DOCK3: variants seen among roughly 807,000 people sequenced by gnomAD.
DOCK3 encodes dedicator of cytokinesis 3.
Under a neutral mutation model 265.6 loss-of-function variants are expected in DOCK3, and 60 were observed. The observed-to-expected ratio is 0.23, with a 90% CI of 0.18 to 0.28. The LOEUF is 0.28. DOCK3 is among the 10% of genes least tolerant of loss of function. The pLI is 1.00. For missense variants in DOCK3, 1,981 were observed against 2,594.3 expected (o/e 0.76, Z 5.14); for synonymous variants, 881 against 938.0 (o/e 0.94, Z 1.11).
At chr3:50,769,531 T>A (rs2041139775) in intron 1 of DOCK3, among the ~76,000 whole-genome samples, 1 of 151,994 alleles carries the variant, frequency 6.6e-6, no homozygotes, top group Non-Finnish European at 1.5e-5. Context: ...GAAGTCTTGG[T>A]CGAGCATGGT....
chr3:51,350,333 C>G lies in DOCK3; in HGVS notation c.4048C>G (p.Leu1350Val). ...YYDNIMEQQR[L>V]EPEFFRVGFY... ...TGACAACATTATGGAGCAGCAACGCCTGGAGCCTGAGTTCTTTCGGGTCGG... is the reference window on the plus strand; with the variant it reads ...TGACAACATTATGGAGCAGCAACGCGTGGAGCCTGAGTTCTTTCGGGTCGG... The change falls in exon 40 of 53, where the codon CTG (leucine) becomes GTG (valine). Residue 1350 changes from leucine (L) to valine (V), a missense_variant. Physicochemically the swap from Leu to Val is conservative, Grantham distance 32. This residue lies in a region of DOCK3 where 1,357 missense variants were observed against 1,866.8 expected (regional missense o/e 0.73). Coordinates refer to ENST00000266037, the MANE Select transcript of DOCK3 (RefSeq NM_004947.5). 6.2e-7 allele frequency: 1 copy of G among 1,611,754 alleles called. No homozygotes were observed. The highest frequency in any genetic ancestry group is 8.5e-7 in the Non-Finnish European group (1 of 1,179,352).
intron 25 of DOCK3, among the ~76,000 whole-genome samples, chr3:51,275,788 T>C (rs2080786770): frequency 6.6e-6 from 1 of 152,136 alleles, no homozygotes; most frequent in South Asian, 2.1e-4. Context: ...ATTTTTTCTT[T>C]TTAAAAGAAA....
chr3:50,804,184 G>A (rs1227930739), intron 2 of DOCK3, among the ~76,000 whole-genome samples: 6 of 151,046 alleles, frequency 4.0e-5, no homozygotes, highest in Non-Finnish European at 5.9e-5. Context: ...GATGATGGGC[G>A]GCCGGGCAGA....
chr3:51,251,566 A>G (rs1244446962), intron 22 of DOCK3, among the ~76,000 whole-genome samples: 1 of 152,160 alleles, frequency 6.6e-6, no homozygotes, highest in African/African-American at 2.4e-5. Flanking sequence ...CGCCATTCCA[A>G]CTAGTGTGAG....
intron 1 of DOCK3, among the ~76,000 whole-genome samples, chr3:50,752,526 AAAAC>A (rs150595934): frequency 0.85 from 126,041 of 149,132 alleles, 53,737 homozygotes; most frequent in East Asian, 0.94. Context: ...AAAAAAAACA[AAAAC>A]AACTGGGAGG....
chr3:50,745,622 C>T (rs2108268585), intron 1 of DOCK3, among the ~76,000 whole-genome samples: 1 of 152,290 alleles, frequency 6.6e-6, no homozygotes, highest in South Asian at 2.1e-4. Context: ...ACGCATAACA[C>T]TGAATTTTTG....
At chr3:51,372,651 C>T (rs1270917264) in intron 49 of DOCK3, among the ~76,000 whole-genome samples, 1 of 152,132 alleles carries the variant, frequency 6.6e-6, no homozygotes, top group East Asian at 1.9e-4. Context: ...CAATCACATG[C>T]TTGGTGTGGA....
intron 4 of DOCK3, among the ~76,000 whole-genome samples, chr3:50,916,200 T>C (rs960727061): frequency 1.3e-5 from 2 of 152,068 alleles, no homozygotes; most frequent in Non-Finnish European, 2.9e-5. Flanking sequence ...TGCATTGGCC[T>C]GAGTGTTGAG....
At chr3:50,775,706 A>G (rs568526403) in intron 1 of DOCK3, among the ~76,000 whole-genome samples, 1 of 152,224 alleles carries the variant, frequency 6.6e-6, no homozygotes, top group South Asian at 2.1e-4. Context: ...AGCAGTGTAC[A>G]CTGTATCCAA....
chr3:51,370,433 C>A (rs993207326), intron 49 of DOCK3, among the ~76,000 whole-genome samples: 2 of 152,232 alleles, frequency 1.3e-5, no homozygotes, highest in African/African-American at 2.4e-5. Flanking sequence ...ATTGGTCAGA[C>A]ACTTCCTCTA....
chr3:51,231,845 G>T (rs2078136183), intron 19 of DOCK3, among the ~76,000 whole-genome samples: 1 of 152,142 alleles, frequency 6.6e-6, no homozygotes, highest in Admixed American at 6.5e-5. Flanking sequence ...CCAATGTCCA[G>T]AATGGTGTTT....
chr3:51,064,752 G>T (rs1159182326), intron 6 of DOCK3, among the ~76,000 whole-genome samples, 156 bp downstream of exon 6: 1 of 152,122 alleles, frequency 6.6e-6, no homozygotes, highest in Non-Finnish European at 1.5e-5. Flanking sequence ...GCAGTTATTT[G>T]TCCTAGTTAG....
chr3:51,234,016 G>C (rs1309608098), intron 19 of DOCK3, among the ~76,000 whole-genome samples: 2 of 152,156 alleles, frequency 1.3e-5, no homozygotes, highest in African/African-American at 4.8e-5. Flanking sequence ...CCAGTAGTGG[G>C]ATTGCTGGCT....
intron 5 of DOCK3, among the ~76,000 whole-genome samples, chr3:50,941,083 C>G (rs966789816): frequency 5.3e-5 from 8 of 152,084 alleles, no homozygotes; most frequent in African/African-American, 1.7e-4. Flanking sequence ...GGACTTCTAT[C>G]AAAACCAAAA....
chr3:51,278,685 G>T (rs1359408754), intron 26 of DOCK3, among the ~76,000 whole-genome samples: 1 of 152,086 alleles, frequency 6.6e-6, no homozygotes, highest in Non-Finnish European at 1.5e-5. Flanking sequence ...CTTACACAGT[G>T]CTTGCTGTGG....
chr3:51,092,417 G>T (rs113497469), intron 9 of DOCK3, among the ~76,000 whole-genome samples: 8 of 152,144 alleles, frequency 5.3e-5, no homozygotes, highest in African/African-American at 1.7e-4. Flanking sequence ...TGAACTGGGC[G>T]GAGCCCACTG....
At chr3:50,860,131 G>A (rs1269546732) in intron 3 of DOCK3, among the ~76,000 whole-genome samples, 1 of 152,158 alleles carries the variant, frequency 6.6e-6, no homozygotes, top group Non-Finnish European at 1.5e-5. Context: ...CCCAAGTCAG[G>A]GGTTCCTTGT....
intron 22 of DOCK3, among the ~76,000 whole-genome samples, chr3:51,248,023 A>C (rs1223477184): frequency 6.6e-6 from 1 of 152,214 alleles, no homozygotes; most frequent in Non-Finnish European, 1.5e-5. Context: ...TTTCTCCTAA[A>C]AATCATTCGT....
chr3:50,890,087 T>A lies in DOCK3; in HGVS notation c.218+6T>A. 7.0e-7 allele frequency: 1 copy of A among 1,422,120 alleles called. No homozygotes were observed. The highest frequency in any genetic ancestry group is 9.1e-7 in the Non-Finnish European group (1 of 1,097,492). 88.1% of individuals were successfully genotyped at this position (1,422,120 alleles called of 1,614,324 possible). ...GCAATTGTCAGTAATAGGGGGTGAG[T>A]AATTGGCCTTACTAAATTTATGTAC... On this transcript the variant is annotated splice_donor_region_variant and intron_variant, in intron 4 of 52. Coordinates refer to ENST00000266037, the MANE Select transcript of DOCK3 (RefSeq NM_004947.5).
Sources: gnomAD v4.1 joint callset for allele counts (sites outside exome capture counted in the v4.1 genomes callset) on GRCh38, gnomAD v4.1.1 for gene constraint, gnomAD v4.1.1 regional missense constraint, MANE v1.5 for transcripts, NCBI Gene and HGNC (gene_info 2026-07-23, HGNC 2026-07-21) for gene names.